The following HECW1 variants were observed in gnomAD, a reference collection of about 807,000 sequenced individuals.
HECW1 encodes the protein HECT, C2 and WW domain containing E3 ubiquitin protein ligase 1.
A neutral mutation model predicts 182.3 loss-of-function variants in HECW1; 61 were observed. The observed-to-expected ratio is 0.33, with a 90% CI of 0.27 to 0.41. The LOEUF is 0.41. HECW1 is among the 10% of genes least tolerant of loss of function. The pLI, the probability that HECW1 is intolerant of heterozygous loss-of-function variation, is 1.00. For synonymous variants in HECW1, 859 were observed against 832.6 expected (o/e 1.03, Z -0.55); for missense variants, 1,739 against 2,108.9 (o/e 0.82, Z 3.44).
intron 24 of HECW1, among the ~76,000 whole-genome samples, chr7:43,510,439 G>A (rs540281830): frequency 5.3e-5 from 8 of 152,150 alleles, no homozygotes; most frequent in South Asian, 4.2e-4. Flanking sequence ...GAATACCTTC[G>A]CTAATTTAAC....
intron 26 of HECW1, among the ~76,000 whole-genome samples, chr7:43,546,465 T>C (rs2081566759): frequency 6.6e-6 from 1 of 151,984 alleles, no homozygotes; most frequent in African/African-American, 2.4e-5. Context: ...ATCCTTTCCA[T>C]AGAGTGTCAT....
At chr7:43,121,501 G>A (rs982479567) in intron 2 of HECW1, among the ~76,000 whole-genome samples, 1 of 152,006 alleles carries the variant, frequency 6.6e-6, no homozygotes, top group African/African-American at 2.4e-5. Context: ...AACATGCTCT[G>A]TGCTTTTCCG....
At chr7:43,324,159 G>T (rs1197495492) in intron 5 of HECW1, among the ~76,000 whole-genome samples, 1 of 152,204 alleles carries the variant, frequency 6.6e-6, no homozygotes, top group Non-Finnish European at 1.5e-5. Context: ...CAATATACCT[G>T]TTGGACTAGC....
intron 6 of HECW1, among the ~76,000 whole-genome samples, chr7:43,376,279 G>T (rs573928686): frequency 1.3e-5 from 2 of 152,004 alleles, no homozygotes; most frequent in East Asian, 3.9e-4. Context: ...AAATGTCACC[G>T]TAATAATCTC....
At position 43,499,594 on chromosome 7, in the gene HECW1, A is replaced by T. The variant is rs138094846; in HGVS notation, c.3438-1105A>T. Among the ~76,000 whole-genome samples, 20 of 152,170 alleles carry T rather than the reference A, an allele frequency of 1.3e-4. No homozygotes were observed. The East Asian group carries it at 3.7e-3, about 28-fold the overall frequency. ...TGTTTATTTCTTATAATTACACATG[A>T]CTCTAAAATTACCTCAAAGTGTAAA... On this transcript the variant is annotated intron_variant, in intron 19 of 29. Transcript: ENST00000395891.
intron 25 of HECW1, 77 bp from the exon 26 acceptor site, chr7:43,541,792 T>A (rs758743718): frequency 1.6e-6 from 2 of 1,284,318 alleles, no homozygotes; most frequent in Non-Finnish European, 2.0e-6. Context: ...TAGCCAGGAA[T>A]GATATAACCA....
At chr7:43,515,289 A>G (rs2080090278) in intron 24 of HECW1, among the ~76,000 whole-genome samples, 2 of 152,174 alleles carry the variant, frequency 1.3e-5, no homozygotes, top group South Asian at 4.2e-4. Flanking sequence ...GATGACAATG[A>G]CAGGGAGCCA....
intron 24 of HECW1, among the ~76,000 whole-genome samples, chr7:43,534,872 G>A (rs2081119710): frequency 3.3e-5 from 5 of 152,154 alleles, no homozygotes. Flanking sequence ...TTAGGCCTAG[G>A]GTTCTGAGTG....
At chr7:43,345,824 AC>A (rs1311381358) in intron 5 of HECW1, among the ~76,000 whole-genome samples, 4 of 142,848 alleles carry the variant, frequency 2.8e-5, no homozygotes, top group South Asian at 2.1e-4. Flanking sequence ...ACACACACAC[AC>A]ACATCATATA....
intron 3 of HECW1, among the ~76,000 whole-genome samples, chr7:43,245,075 T>C (rs1799254305): frequency 6.6e-6 from 1 of 152,204 alleles, no homozygotes; most frequent in Non-Finnish European, 1.5e-5. Flanking sequence ...ATAGCATGTG[T>C]TGGATTAAGG....
intron 2 of HECW1, among the ~76,000 whole-genome samples, chr7:43,143,486 A>G (rs1788385750): frequency 6.6e-6 from 1 of 151,578 alleles, no homozygotes; most frequent in Non-Finnish European, 1.5e-5. Context: ...GGCTCTCACC[A>G]TGCTACCCAG....
At chr7:43,489,522 G>A (rs113088765) in intron 17 of HECW1, among the ~76,000 whole-genome samples, 4 of 152,220 alleles carry the variant, frequency 2.6e-5, no homozygotes, top group African/African-American at 9.6e-5. Context: ...CTGGTGTCTG[G>A]CTTTGCCAGC....
intron 13 of HECW1, among the ~76,000 whole-genome samples, chr7:43,459,072 C>T (rs2077493388): frequency 6.6e-6 from 1 of 152,188 alleles, no homozygotes; most frequent in African/African-American, 2.4e-5. Flanking sequence ...GCTCCCATGG[C>T]AGGAAAATGC....
chr7:43,208,880 C>A (rs552874539), intron 2 of HECW1, among the ~76,000 whole-genome samples: 1 of 152,310 alleles, frequency 6.6e-6, no homozygotes, highest in East Asian at 1.9e-4. Context: ...AGAAGCCACA[C>A]ACTCTTGGAG....
intron 8 of HECW1, among the ~76,000 whole-genome samples, chr7:43,421,147 A>G (rs1459263187): frequency 6.6e-6 from 1 of 152,246 alleles, no homozygotes; most frequent in Non-Finnish European, 1.5e-5. Context: ...ACCACATAGC[A>G]TCATCGTTTT....
At chr7:43,123,755 G>C (rs576197561) in intron 2 of HECW1, among the ~76,000 whole-genome samples, 1 of 152,274 alleles carries the variant, frequency 6.6e-6, no homozygotes, top group Admixed American at 6.5e-5. Context: ...CCTCTTGCCT[G>C]CCTGATGCTG....
intron 14 of HECW1, among the ~76,000 whole-genome samples, chr7:43,464,508 A>C (rs937737832): frequency 2.0e-5 from 3 of 151,818 alleles, no homozygotes; most frequent in Admixed American, 6.5e-5. Flanking sequence ...TTTTTTTTTA[A>C]CCTGTAATGA....
At chr7:43,416,899 G>A (rs2076024842) in intron 8 of HECW1, among the ~76,000 whole-genome samples, 1 of 151,928 alleles carries the variant, frequency 6.6e-6, no homozygotes, top group Non-Finnish European at 1.5e-5. Context: ...AGCACGGTGT[G>A]CGCACCCACT....
intron 2 of HECW1, among the ~76,000 whole-genome samples, chr7:43,179,498 T>A (rs1420424922): frequency 1.3e-5 from 2 of 152,202 alleles, no homozygotes. Context: ...CATGGCTATG[T>A]TCACCCATTA....
Sources: allele counts gnomAD v4.1 joint callset (sites outside exome capture counted in the v4.1 genomes callset), GRCh38; gene constraint gnomAD v4.1.1; transcripts MANE v1.5; gene names NCBI Gene and HGNC (gene_info 2026-07-23, HGNC 2026-07-21).